ITPR1: variants seen among roughly 807,000 people sequenced by gnomAD.
ITPR1 encodes inositol 1,4,5-trisphosphate receptor type 1, also known as inositol 1,4,5-trisphosphate-gated calcium channel ITPR1.
In ITPR1, 96 loss-of-function variants were observed where a neutral mutation model predicts 318.4. That is an observed-to-expected ratio of 0.30 (90% CI 0.26 to 0.36). The LOEUF is 0.36. Ranked by LOEUF, ITPR1 falls within the 10% of genes least tolerant of loss-of-function variation. The pLI is 1.00. For synonymous variants in ITPR1, 1,312 were observed against 1,289.9 expected, an observed-to-expected ratio of 1.02 and a Z score of -0.37; for missense variants, 2,440 against 3,460.2, an observed-to-expected ratio of 0.71 and a Z score of 7.40.
At chr3:4,636,431 T>C (rs1302033242) in intron 5 of ITPR1, among the ~76,000 whole-genome samples, 1 of 152,318 alleles carries the variant, frequency 6.6e-6, no homozygotes. Context: ...TATTTGAGAA[T>C]GTCTTATTTA....
chr3:4,833,351 T>C (rs547297126), intron 60 of ITPR1, among the ~76,000 whole-genome samples: 2 of 152,360 alleles, frequency 1.3e-5, no homozygotes, highest in East Asian at 1.9e-4. Context: ...ATTGGTTTTC[T>C]GGAGTCTTTC....
chr3:4,800,396 T>G, intron 53 of ITPR1, 29 bp from the exon 54 acceptor site: 1 of 1,607,424 alleles, frequency 6.2e-7, no homozygotes, highest in Non-Finnish European at 8.5e-7. Context: ...GGCACAGATT[T>G]GTGAGAGAAC....
At chr3:4,724,775 G>C (rs751136943) in intron 40 of ITPR1, among the ~76,000 whole-genome samples, 1 of 152,136 alleles carries the variant, frequency 6.6e-6, no homozygotes, top group Non-Finnish European at 1.5e-5. Context: ...CCCCTCACCT[G>C]CATGTCCTTT....
chr3:4,674,872 A>T (rs192416804), intron 22 of ITPR1, among the ~76,000 whole-genome samples, 196 bp from the exon 23 acceptor site: 1 of 151,518 alleles, frequency 6.6e-6, no homozygotes, highest in African/African-American at 2.4e-5. Flanking sequence ...AGAGCAGATC[A>T]GTAGCTTTCC....
At chr3:4,664,176 G>C (rs1250336487) in intron 16 of ITPR1, among the ~76,000 whole-genome samples, 1 of 152,118 alleles carries the variant, frequency 6.6e-6, no homozygotes, top group Non-Finnish European at 1.5e-5. Flanking sequence ...GCCCATATAG[G>C]CTCTTATAGA....
chr3:4,668,774 T>G (rs979070370), intron 18 of ITPR1, among the ~76,000 whole-genome samples: 1 of 152,220 alleles, frequency 6.6e-6, no homozygotes, highest in Non-Finnish European at 1.5e-5. Flanking sequence ...CCTCATTCAC[T>G]TTTTAGCACC....
intron 39 of ITPR1, among the ~76,000 whole-genome samples, chr3:4,717,143 T>A (rs559294159): frequency 6.6e-6 from 1 of 152,210 alleles, no homozygotes; most frequent in Non-Finnish European, 1.5e-5. Context: ...TGATGCCTGA[T>A]ATGTGAATAA....
intron 8 of ITPR1, 74 bp downstream of exon 8, chr3:4,644,308 T>A: frequency 2.0e-6 from 2 of 990,328 alleles, no homozygotes; most frequent in South Asian, 3.0e-5. Flanking sequence ...AGTGCATGCG[T>A]GTGCTGAGAG....
chr3:4,729,861 ATTATTT>A (rs1346871387), intron 42 of ITPR1, among the ~76,000 whole-genome samples: 7 of 151,792 alleles, frequency 4.6e-5, no homozygotes, highest in African/African-American at 1.7e-4. Flanking sequence ...AAAAACTGGT[ATTATTT>A]TTAAAAAGGG....
At chr3:4,597,441 G>A (rs977004463) in intron 4 of ITPR1, among the ~76,000 whole-genome samples, 4 of 152,138 alleles carry the variant, frequency 2.6e-5, no homozygotes, top group African/African-American at 7.2e-5. Flanking sequence ...GAGCCCCCAC[G>A]GAGACTGTAG....
In ITPR1 at chr3:4,726,230, G is replaced by A. The variant is rs112924981; in HGVS notation, c.5172+649G>A. Among the ~76,000 whole-genome samples, 948 of 151,694 alleles carry A rather than the reference G, an allele frequency of 6.2e-3. 8 individuals carry two copies. The highest frequency in any genetic ancestry group is 0.022 in the African/African-American group (902 of 41,330). ...TTTTTAGTAGAGATGGGGTTTTGCC[G>A]TGTTGGCCAGCCTGGTCTCAAACTC... On this transcript the variant is annotated intron_variant, in intron 41 of 61. Transcript: ENST00000649015.
intron 4 of ITPR1, among the ~76,000 whole-genome samples, chr3:4,560,607 A>G (rs1162965193): frequency 6.6e-6 from 1 of 152,212 alleles, no homozygotes; most frequent in Non-Finnish European, 1.5e-5. Flanking sequence ...TCTCTGGAAG[A>G]AGAGAGAACT....
intron 3 of ITPR1, among the ~76,000 whole-genome samples, chr3:4,520,749 T>C (rs1027708989): frequency 5.3e-5 from 8 of 152,212 alleles, no homozygotes; most frequent in Non-Finnish European, 8.8e-5. Context: ...TTCAGCCACC[T>C]TGCATGCTAT....
intron 42 of ITPR1, among the ~76,000 whole-genome samples, chr3:4,728,811 C>T (rs143688480): frequency 6.6e-6 from 1 of 152,242 alleles, no homozygotes; most frequent in African/African-American, 2.4e-5. Context: ...ACACCCAGGC[C>T]CCTGCCCAGT....
chr3:4,684,989 C>G (rs1057453670), intron 29 of ITPR1, 80 bp from the exon 30 acceptor site: 28 of 1,439,888 alleles, frequency 1.9e-5, no homozygotes, highest in Non-Finnish European at 2.6e-5. Flanking sequence ...CCTTTGCCTC[C>G]CTGCCCGCCA....
At chr3:4,819,687 C>G (rs566183342) in intron 60 of ITPR1, among the ~76,000 whole-genome samples, 1 of 152,056 alleles carries the variant, frequency 6.6e-6, no homozygotes, top group Admixed American at 6.5e-5. Context: ...CATGGGGAAC[C>G]CGGAGGAAGG....
chr3:4,673,193 C>A lies in ITPR1; in HGVS notation c.2262C>A (p.Asn754Lys). ...TGGACCGCCAATACCTGGCCATCAACGAAATCTCAGGCCAGCTGGATGTCG... is the reference window on the plus strand; with the variant it reads ...TGGACCGCCAATACCTGGCCATCAAAGAAATCTCAGGCCAGCTGGATGTCG... ...MCLDRQYLAI[N>K]EISGQLDVDL... Residue 754 changes from asparagine to lysine, a missense_variant, in exon 21 of 62, where the codon AAC becomes AAA. By Grantham distance (94) the Asn-to-Lys change is moderately conservative (BLOSUM62 0). Around this residue, in one of 23 missense-constraint regions of ITPR1, gnomAD observed 478 missense variants for 696.3 expected, o/e 0.69. Transcript: ENST00000649015. 6.2e-7 allele frequency: 1 copy of A among 1,613,932 alleles called. No homozygotes were observed. Among genetic ancestry groups the A allele is most frequent in the Non-Finnish European group, 8.5e-7 (1 of 1,179,842 alleles).
At chr3:4,758,526 G>A (rs1037776080) in intron 44 of ITPR1, among the ~76,000 whole-genome samples, 4 of 152,200 alleles carry the variant, frequency 2.6e-5, no homozygotes, top group Non-Finnish European at 4.4e-5. Context: ...TGGACTGCAA[G>A]GCCTGTCTTT....
intron 13 of ITPR1, among the ~76,000 whole-genome samples, chr3:4,660,429 G>A (rs1473389018): frequency 2.0e-5 from 3 of 147,032 alleles, no homozygotes; most frequent in Non-Finnish European, 4.5e-5. Context: ...GTTTATGATG[G>A]TTCTTTTTTT....
Sources: gnomAD v4.1 joint callset for allele counts (sites outside exome capture counted in the v4.1 genomes callset) on GRCh38, gnomAD v4.1.1 for gene constraint, gnomAD v4.1.1 regional missense constraint, MANE v1.5 for transcripts, NCBI Gene and HGNC (gene_info 2026-07-23, HGNC 2026-07-21) for gene names.